CEACAM5: variants seen among roughly 807,000 people sequenced by gnomAD.
CEACAM5 encodes the protein CEA cell adhesion molecule 5.
Under a neutral mutation model 63.0 loss-of-function variants are expected in CEACAM5, and 52 were observed. The observed-to-expected ratio is 0.83, with a 90% CI of 0.66 to 1.04. The LOEUF (loss-of-function observed/expected upper bound fraction) is 1.04. Ranked by LOEUF, CEACAM5 falls within the 50% of genes least tolerant of loss-of-function variation. The pLI, the probability that CEACAM5 is intolerant of heterozygous loss-of-function variation, is 0.00. For synonymous variants in CEACAM5, 357 were observed against 351.3 expected (o/e 1.02, Z -0.18); for missense variants, 790 against 864.8 (o/e 0.91, Z 1.08).
intron 8 of CEACAM5, among the ~76,000 whole-genome samples, chr19:41,725,516 T>A (rs2072688121): frequency 6.6e-6 from 1 of 152,008 alleles, no homozygotes; most frequent in South Asian, 2.1e-4. Context: ...ACTACAGACA[T>A]GTGACACCAA....
chr19:41,710,024 C>T lies in CEACAM5; in HGVS notation c.409C>T (p.Gln137Ter). The T allele has an allele frequency of 6.2e-7, 1 of 1,604,346 alleles. No individual in the cohort carries two copies. The highest frequency in any genetic ancestry group is 8.5e-7 in the Non-Finnish European group (1 of 1,174,734). Residue 137 changes from glutamine to a stop codon, truncating the protein, a stop_gained, in exon 2 of 10, where the codon CAG becomes TAG. Coordinates refer to ENST00000221992, the MANE Select transcript of CEACAM5 (RefSeq NM_004363.6). LOFTEE classifies it high-confidence loss of function. ...TCTTGTGAATGAAGAAGCAACTGGC[C>T]AGTTCCGGGTATACCGTGAGTGATT... ...SDLVNEEATG[Q>*]FRVYPELPKP... is the part of the protein sequence containing the mutation.
rs201986383 is a variant in CEACAM5 at position 41,715,890 on chromosome 19, C to A, written c.944C>A (p.Thr315Lys). The A allele has an allele frequency of 3.1e-6, 5 of 1,613,950 alleles. No homozygotes were observed. The highest frequency in any genetic ancestry group is 1.3e-5 in the African/African-American group (1 of 75,044). Residue 315 changes from threonine (T) to lysine (K), a missense_variant, in exon 4 of 10, where the codon ACG (threonine) becomes AAG (lysine). Transcript: ENST00000221992. ...GGCCTCAATAGGACCACAGTCACGA[C>A]GATCACAGTCTATGGTAAGTGGATC... is the stretch of plus-strand genomic sequence containing the variant. ...DTGLNRTTVT[T>K]ITVYAEPPKP...
intron 4 of CEACAM5, among the ~76,000 whole-genome samples, chr19:41,716,928 C>T (rs1555815118): frequency 6.6e-6 from 1 of 152,206 alleles, no homozygotes; most frequent in Non-Finnish European, 1.5e-5. Context: ...ATCTATGGCC[C>T]ACAGTCTGAT....
At chr19:41,727,839 T>C (rs117901655) in intron 9 of CEACAM5, among the ~76,000 whole-genome samples, 2,592 of 152,268 alleles carry the variant, frequency 0.017, 44 homozygotes, top group Middle Eastern at 0.02. Flanking sequence ...ACTAATCTTT[T>C]TTACTTCCTT....
At chr19:41,712,067 C>T (rs985466590) in intron 2 of CEACAM5, among the ~76,000 whole-genome samples, 3 of 152,232 alleles carry the variant, frequency 2.0e-5, no homozygotes, top group Admixed American at 6.5e-5. Context: ...CGGGAATGAG[C>T]GACTCCTCCA....
At chr19:41,722,274 G>A (rs1555816362) in intron 8 of CEACAM5, among the ~76,000 whole-genome samples, 1 of 146,166 alleles carries the variant, frequency 6.8e-6, no homozygotes, top group African/African-American at 2.5e-5. Context: ...TGAGGCAGGA[G>A]AATCGCTCGA....
At chr19:41,717,406 G>T in intron 4 of CEACAM5, 49 bp from the exon 5 acceptor site, 2 of 1,575,818 alleles carry the variant, frequency 1.3e-6, no homozygotes, top group Non-Finnish European at 1.7e-6. Flanking sequence ...TGCCCGTGGA[G>T]GAATCACAGG....
At chr19:41,712,551 A>G (rs1284746135) in intron 2 of CEACAM5, among the ~76,000 whole-genome samples, 1 of 152,172 alleles carries the variant, frequency 6.6e-6, no homozygotes, top group Non-Finnish European at 1.5e-5. Flanking sequence ...TGCTTCTCCT[A>G]ACTTGGCATC....
chr19:41,724,121 T>A (rs2072666257), intron 8 of CEACAM5, among the ~76,000 whole-genome samples: 1 of 152,188 alleles, frequency 6.6e-6, no homozygotes, highest in African/African-American at 2.4e-5. Flanking sequence ...CATTTAGGTC[T>A]TTGATCCATT....
intron 3 of CEACAM5, 64 bp downstream of exon 3, chr19:41,715,313 A>T: frequency 6.2e-7 from 1 of 1,602,800 alleles, no homozygotes; most frequent in Non-Finnish European, 8.5e-7. Flanking sequence ...CAGAGGCAGG[A>T]TTTCTCAGTC....
chr19:41,723,432 C>G (rs2072655669), intron 8 of CEACAM5, among the ~76,000 whole-genome samples: 1 of 152,106 alleles, frequency 6.6e-6, no homozygotes, highest in South Asian at 2.1e-4. Flanking sequence ...AGCATATTTG[C>G]ATGTGCTTGT....
At chr19:41,725,864 G>A (rs1323378099) in intron 8 of CEACAM5, among the ~76,000 whole-genome samples, 1 of 151,894 alleles carries the variant, frequency 6.6e-6, no homozygotes. Flanking sequence ...TACTATCTGT[G>A]GTTTGAGGTG....
chr19:41,709,179 C>T (rs1482287588), intron 1 of CEACAM5, among the ~76,000 whole-genome samples: 1 of 152,256 alleles, frequency 6.6e-6, no homozygotes, highest in Non-Finnish European at 1.5e-5. Context: ...CCACAGGAAT[C>T]TGCAGCCTGT....
chr19:41,715,442 C>T (rs545086807), intron 3 of CEACAM5, 193 bp downstream of exon 3: 5 of 1,131,354 alleles, frequency 4.4e-6, no homozygotes, highest in South Asian at 2.6e-5. Context: ...GGAGGGGCTG[C>T]TTCTGTCCTG....
chr19:41,721,476 G>A (rs1232797141), intron 8 of CEACAM5, among the ~76,000 whole-genome samples: 2 of 152,246 alleles, frequency 1.3e-5, no homozygotes, highest in African/African-American at 4.8e-5. Flanking sequence ...GGTCCTTAAG[G>A]TCGAGTTGCT....
intron 2 of CEACAM5, among the ~76,000 whole-genome samples, chr19:41,711,923 A>G (rs1279708006): frequency 6.6e-6 from 1 of 152,084 alleles, no homozygotes; most frequent in Non-Finnish European, 1.5e-5. Flanking sequence ...GCAATAGGGA[A>G]GGCACAGATG....
At chr19:41,709,564 A>ACACT (rs1306527527) in intron 1 of CEACAM5, 116 bp from the exon 2 acceptor site, 16 of 1,348,292 alleles carry the variant, frequency 1.2e-5, no homozygotes, top group East Asian at 4.6e-5. Context: ...ACACACACAC[A>ACACT]CACTCACTCA....
In CEACAM5 at chr19:41,720,201, T is replaced by C. The variant is rs1555815909; in HGVS notation, c.1764T>C (p.Asp588=). The C allele has an allele frequency of 1.9e-6, 3 of 1,613,664 alleles. No homozygotes were observed. The highest frequency in any genetic ancestry group is 1.3e-5 in the African/African-American group (1 of 74,944). ...ACCGCAGTGACCCAGTCACCCTGGATGTCCTCTGTGAGTATCTTCTGTTCC... is the reference window on the plus strand; with the variant it reads ...ACCGCAGTGACCCAGTCACCCTGGACGTCCTCTGTGAGTATCTTCTGTTCC... ...SANRSDPVTL[D]VLYGPDTPII... Residue 588 remains aspartate (D), a synonymous_variant, in exon 7 of 10, where the codon GAT becomes GAC. Coordinates refer to ENST00000221992, the MANE Select transcript of CEACAM5 (RefSeq NM_004363.6).
rs1555813318 is a variant in CEACAM5, at chr19:41,708,721, C to G, written c.-11C>G. 1.2e-6 allele frequency: 2 copies of G among 1,608,760 alleles called. No homozygotes were observed. Among genetic ancestry groups the G allele is most frequent in the Admixed American group, 3.4e-5 (2 of 59,052 alleles). On this transcript the variant is annotated 5_prime_UTR_variant, in exon 1 of 10. Transcript: ENST00000221992. ...TCTCCACAGAGGAGGACAGAGCAGA[C>G]AGCAGAGACCATGGAGTCTCCCTCG...
Sources: gnomAD v4.1 joint callset for allele counts (sites outside exome capture counted in the v4.1 genomes callset) on GRCh38, gnomAD v4.1.1 for gene constraint, MANE v1.5 for transcripts, NCBI Gene and HGNC (gene_info 2026-07-23, HGNC 2026-07-21) for gene names.